ANKRD62: variants seen among roughly 807,000 people sequenced by gnomAD.
The protein encoded by ANKRD62 is ankyrin repeat domain 62.
Under a neutral mutation model 98.8 loss-of-function variants are expected in ANKRD62, and 61 were observed. That is an observed-to-expected ratio of 0.62 (90% CI 0.50 to 0.76). The LOEUF (loss-of-function observed/expected upper bound fraction) is 0.76. Ranked by LOEUF, ANKRD62 falls within the 30% of genes least tolerant of loss-of-function variation. The pLI, the probability that ANKRD62 is intolerant of heterozygous loss-of-function variation, is 0.00. For synonymous variants in ANKRD62, 341 were observed against 367.9 expected (o/e 0.93, Z 0.84); for missense variants, 933 against 1,082.9 (o/e 0.86, Z 1.94).
the ANKRD62 span, among the ~76,000 whole-genome samples, chr18:12,150,930 A>C: frequency 6.6e-6 from 1 of 152,186 alleles, no homozygotes; most frequent in African/African-American, 2.4e-5. Flanking sequence ...AAATCCACAA[A>C]TATCAACACT....
At chr18:12,103,480 G>A (rs4470216) in intron 7 of ANKRD62, among the ~76,000 whole-genome samples, 140,470 of 152,152 alleles carry the variant, frequency 0.92, 65,049 homozygotes, top group Middle Eastern at 0.99. Flanking sequence ...ATAACCTAAT[G>A]TAATAAAGAA....
chr18:12,155,815 C>T, the ANKRD62 span, among the ~76,000 whole-genome samples: 15 of 152,194 alleles, frequency 9.9e-5, no homozygotes, highest in African/African-American at 3.1e-4. Context: ...TAAGACTGAA[C>T]CCTGGAAAGG....
chr18:12,175,168 A>G, the ANKRD62 span, among the ~76,000 whole-genome samples: 6 of 150,750 alleles, frequency 4.0e-5, no homozygotes, highest in South Asian at 1.3e-3. Context: ...TTGCCTTGGG[A>G]GCACTGGCGG....
chr18:12,166,893 G>A, the ANKRD62 span, among the ~76,000 whole-genome samples: 6 of 151,532 alleles, frequency 4.0e-5, no homozygotes, highest in African/African-American at 1.5e-4. Flanking sequence ...CCCATGACAG[G>A]CCCCAGTGTG....
chr18:12,107,003 G>A (rs998390761), intron 7 of ANKRD62, among the ~76,000 whole-genome samples: 10 of 152,064 alleles, frequency 6.6e-5, no homozygotes, highest in African/African-American at 1.9e-4. Context: ...GGCACCGGGG[G>A]TGAAAATGTA....
chr18:12,096,355 G>A, intron 4 of ANKRD62, 53 bp downstream of exon 4: 4 of 989,716 alleles, frequency 4.0e-6, no homozygotes, highest in Non-Finnish European at 5.8e-6. Flanking sequence ...GTTCTAGAGT[G>A]GTAACAGTCA....
chr18:12,163,599 A>G, the ANKRD62 span, among the ~76,000 whole-genome samples: 1 of 152,060 alleles, frequency 6.6e-6, no homozygotes, highest in African/African-American at 2.4e-5. Context: ...ATCTTAGAGG[A>G]AAGGTTTTCA....
At chr18:12,105,627 A>G (rs752079211) in intron 7 of ANKRD62, among the ~76,000 whole-genome samples, 16 of 152,128 alleles carry the variant, frequency 1.1e-4, no homozygotes, top group Non-Finnish European at 2.4e-4. Flanking sequence ...TTGACCAATT[A>G]TTTGGTGCAT....
the ANKRD62 span, among the ~76,000 whole-genome samples, chr18:12,177,514 T>C: frequency 6.6e-6 from 1 of 152,104 alleles, no homozygotes; most frequent in East Asian, 1.9e-4. Context: ...GGGGAGAAAA[T>C]TCCATCTGTT....
the ANKRD62 span, among the ~76,000 whole-genome samples, chr18:12,171,986 A>G: frequency 6.6e-6 from 1 of 152,138 alleles, no homozygotes; most frequent in Non-Finnish European, 1.5e-5. Context: ...CAGCTCCATC[A>G]GGTCATTTAC....
chr18:12,169,123 A>G, the ANKRD62 span, among the ~76,000 whole-genome samples: 1 of 152,066 alleles, frequency 6.6e-6, no homozygotes, highest in Non-Finnish European at 1.5e-5. Context: ...AATATCTCTT[A>G]TTTCTTTATC....
chr18:12,127,666 TGTA>T (rs1383742579), intron 13 of ANKRD62, 79 bp from the exon 14 acceptor site: 7 of 1,047,828 alleles, frequency 6.7e-6, no homozygotes, highest in African/African-American at 1.6e-5. Flanking sequence ...TTTCGAAGTG[TGTA>T]TATTAGAGTT....
rs977826397 is a variant in ANKRD62 at position 12,115,398 on chromosome 18, A to T, written c.1104A>T (p.Lys368Asn). ...CAGTGTTATTTATTTTATAGGTTAAAAGCCAAATATATTTCACGGATGACC... is the reference window on the plus strand; with the variant it reads ...CAGTGTTATTTATTTTATAGGTTAATAGCCAAATATATTTCACGGATGACC... ...RKTSNEKSKV[K>N]SQIYFTDDLN... The change falls in exon 10 of 14, where the codon AAA becomes AAT. Residue 368 changes from lysine (K) to asparagine (N), a missense_variant. Around this residue, in one of 3 missense-constraint regions of ANKRD62, gnomAD observed 549 missense variants for 587.9 expected, o/e 0.93. Coordinates refer to ENST00000587848, the MANE Select transcript of ANKRD62 (RefSeq NM_001277333.2). 2.6e-6 allele frequency: 4 copies of T among 1,532,986 alleles called. No individual in the cohort carries two copies. The Admixed American group carries it at 7.9e-5, about 30-fold the overall frequency. 95.0% of individuals were successfully genotyped at this position (1,532,986 alleles called of 1,614,324 possible).
At chr18:12,095,146 C>T (rs1449336483) in intron 1 of ANKRD62, 25 bp from the exon 2 acceptor site, 2 of 1,523,406 alleles carry the variant, frequency 1.3e-6, no homozygotes, top group African/African-American at 1.4e-5. Flanking sequence ...CTACAATTGC[C>T]TAAAGCGACC....
At chr18:12,167,078 A>G in the ANKRD62 span, among the ~76,000 whole-genome samples, 52 of 152,012 alleles carry the variant, frequency 3.4e-4, no homozygotes, top group African/African-American at 1.2e-3. Context: ...GCTGCATAGC[A>G]TTCCACGGTG....
intron 8 of ANKRD62, among the ~76,000 whole-genome samples, chr18:12,109,281 C>T (rs1203026356): frequency 6.6e-6 from 1 of 152,202 alleles, no homozygotes; most frequent in Non-Finnish European, 1.5e-5. Context: ...AACCTCACCT[C>T]TTGTGTTCTG....
the ANKRD62 span, among the ~76,000 whole-genome samples, chr18:12,172,565 C>G: frequency 6.6e-6 from 1 of 152,148 alleles, no homozygotes; most frequent in Non-Finnish European, 1.5e-5. Context: ...TTAGGCTACT[C>G]GGGGGTCAGG....
chr18:12,122,762 CATT>C, intron 11 of ANKRD62, among the ~76,000 whole-genome samples: 1 of 152,134 alleles, frequency 6.6e-6, no homozygotes, highest in African/African-American at 2.4e-5. Flanking sequence ...ATGGAAATTT[CATT>C]ATTTAATAAA....
At chr18:12,135,620 T>C in the ANKRD62 span, among the ~76,000 whole-genome samples, 1 of 151,480 alleles carries the variant, frequency 6.6e-6, no homozygotes, top group Admixed American at 6.6e-5. Flanking sequence ...ATCGCCACAC[T>C]GACTTCCACA....
Sources: allele counts gnomAD v4.1 joint callset (sites outside exome capture counted in the v4.1 genomes callset), GRCh38; gene constraint gnomAD v4.1.1; regional missense constraint gnomAD v4.1.1; transcripts MANE v1.5; gene names NCBI Gene and HGNC (gene_info 2026-07-23, HGNC 2026-07-21).